Variants in DSCAM observed in about 807,000 individuals in gnomAD.
DSCAM encodes the protein cell adhesion molecule DSCAM.
Under a neutral mutation model 217.7 loss-of-function variants are expected in DSCAM, and 47 were observed. The observed-to-expected ratio is 0.22, with a 90% CI of 0.17 to 0.28. The LOEUF is 0.28. Among genes scored for constraint, DSCAM ranks in the 10% least tolerant of loss-of-function variants. The pLI, the probability that DSCAM is intolerant of heterozygous loss-of-function variation, is 1.00. For synonymous variants in DSCAM, 1,056 were observed against 1,015.3 expected, an observed-to-expected ratio of 1.04 and a Z score of -0.76; for missense variants, 2,080 against 2,618.3, an observed-to-expected ratio of 0.79 and a Z score of 4.49.
At chr21:40,647,692 C>A (rs2089964128) in intron 3 of DSCAM, among the ~76,000 whole-genome samples, 2 of 152,172 alleles carry the variant, frequency 1.3e-5, no homozygotes, top group African/African-American at 4.8e-5. Flanking sequence ...TCAAAATATT[C>A]CTTCTAGAAC....
At chr21:40,305,679 C>T (rs901620206) in intron 9 of DSCAM, among the ~76,000 whole-genome samples, 1 of 151,682 alleles carries the variant, frequency 6.6e-6, no homozygotes, top group African/African-American at 2.4e-5. Context: ...GTTTTCCCAG[C>T]ACCATTTATT....
intron 3 of DSCAM, among the ~76,000 whole-genome samples, chr21:40,609,532 C>A (rs35984932): frequency 0.21 from 31,832 of 152,132 alleles, 3,532 homozygotes; most frequent in East Asian, 0.31. Context: ...GCAAGGACGG[C>A]AATTAAGATT....
intron 3 of DSCAM, among the ~76,000 whole-genome samples, chr21:40,463,461 C>G (rs1178627204): frequency 1.3e-5 from 2 of 152,114 alleles, no homozygotes; most frequent in Non-Finnish European, 2.9e-5. Flanking sequence ...CTTCTTCCAT[C>G]AGTTCTTCCA....
Position 40,653,669 on chromosome 21 carries a change from G to A in DSCAM, c.508+39141C>T, listed in dbSNP as rs117993366. ...CCAGACACAGAGTGGAGAAGACCCC[G>A]CGTTGACTGTGATCATCGTGAATTA... On this transcript the variant is annotated intron_variant, in intron 3 of 32. Coordinates refer to ENST00000400454, the MANE Select transcript of DSCAM (RefSeq NM_001389.5). Among the ~76,000 whole-genome samples, 380 of 152,216 alleles carry A rather than the reference G, an allele frequency of 2.5e-3. 3 individuals carry two copies. The highest frequency in any genetic ancestry group is 5.4e-3 in the South Asian group (26 of 4,816).
Position 40,338,995 on chromosome 21 carries a change from G to C in DSCAM, c.1507+124C>G, listed in dbSNP as rs1444871640. On this transcript the variant is annotated intron_variant, in intron 7 of 32. Transcript: ENST00000400454. ...ATTCCTGAGTAGGAAGGAGAGGGTA[G>C]GAAATGGGAAGCAACAGTTAATCCG... 3 of 1,235,998 alleles carry C rather than the reference G, an allele frequency of 2.4e-6. No homozygotes were observed. The East Asian group carries it at 7.4e-5, about 30-fold the overall frequency. The allele number at this position is 1,235,998 out of a possible 1,614,324, so 76.6% of individuals were successfully genotyped here. A position where few individuals can be genotyped will look rare whatever the true frequency, so the allele number is the denominator to read the frequency against.
At chr21:40,519,865 CGTGT>C (rs35076900) in intron 3 of DSCAM, among the ~76,000 whole-genome samples, 1 of 150,404 alleles carries the variant, frequency 6.6e-6, no homozygotes, top group South Asian at 2.1e-4. Context: ...TGTGTGTATG[CGTGT>C]GTGTGTGTGT....
Position 40,788,777 on chromosome 21 carries a change from C to T in DSCAM, c.43+57842G>A, listed in dbSNP as rs755527111. On this transcript the variant is annotated intron_variant, in intron 1 of 32. Coordinates refer to ENST00000400454, the MANE Select transcript of DSCAM (RefSeq NM_001389.5). ...AAAGCATATGGAAGGGATTCTGTGA[C>T]GATTTAAAACTAAAGCCACAATGCA... Among the ~76,000 whole-genome samples, 9 of 152,216 alleles carry T rather than the reference C, an allele frequency of 5.9e-5. No individual in the cohort carries two copies. The East Asian group carries it at 7.7e-4, about 13-fold the overall frequency.
chr21:40,402,789 T>C (rs2075248595), intron 3 of DSCAM, among the ~76,000 whole-genome samples: 1 of 152,092 alleles, frequency 6.6e-6, no homozygotes, highest in South Asian at 2.1e-4. Context: ...CAGGTTCTCA[T>C]TATACTAACC....
intron 3 of DSCAM, among the ~76,000 whole-genome samples, chr21:40,459,553 A>G (rs866298627): frequency 6.6e-6 from 1 of 152,234 alleles, no homozygotes; most frequent in Non-Finnish European, 1.5e-5. Flanking sequence ...AACAAAAAGC[A>G]TAAGTATAAA....
intron 1 of DSCAM, among the ~76,000 whole-genome samples, chr21:40,732,513 C>T (rs1161006579): frequency 6.6e-6 from 1 of 152,220 alleles, no homozygotes; most frequent in Non-Finnish European, 1.5e-5. Flanking sequence ...TCAATAACTT[C>T]ATCTCCTTGG....
chr21:40,824,973 G>C (rs1331606874), intron 1 of DSCAM, among the ~76,000 whole-genome samples: 1 of 152,206 alleles, frequency 6.6e-6, no homozygotes, highest in African/African-American at 2.4e-5. Flanking sequence ...AGCTTTCTCT[G>C]TATGTCCGAC....
chr21:40,689,570 G>T (rs2090517762), intron 3 of DSCAM, among the ~76,000 whole-genome samples: 1 of 152,340 alleles, frequency 6.6e-6, no homozygotes, highest in African/African-American at 2.4e-5. Flanking sequence ...ACTTACACAG[G>T]CTTATTTCCA....
intron 4 of DSCAM, among the ~76,000 whole-genome samples, chr21:40,363,316 C>T (rs2074789322): frequency 6.8e-6 from 1 of 147,124 alleles, no homozygotes; most frequent in Admixed American, 7.0e-5. Context: ...GCAATGGTGC[C>T]ATCTTGGCTC....
intron 21 of DSCAM, among the ~76,000 whole-genome samples, chr21:40,087,697 A>G (rs1291197175): frequency 6.6e-6 from 1 of 152,250 alleles, no homozygotes; most frequent in African/African-American, 2.4e-5. Flanking sequence ...CAAAGGCCCC[A>G]AAGACGGGAA....
chr21:40,253,253 C>G (rs1228610739), intron 11 of DSCAM, among the ~76,000 whole-genome samples: 2 of 152,114 alleles, frequency 1.3e-5, no homozygotes, highest in Non-Finnish European at 2.9e-5. Context: ...TGTTATTTAC[C>G]TCTTTATCAT....
intron 1 of DSCAM, among the ~76,000 whole-genome samples, chr21:40,784,240 G>A (rs1057385565): frequency 1.3e-5 from 2 of 152,062 alleles, no homozygotes; most frequent in Admixed American, 1.3e-4. Flanking sequence ...AATCATGGGG[G>A]CGGTTTCCCC....
In DSCAM at chr21:40,584,876, G is replaced by T. The variant is rs150480033; in HGVS notation, c.508+107934C>A. On this transcript the variant is annotated intron_variant, in intron 3 of 32. Transcript: ENST00000400454. ...AGTGTGACCCTCAGTGTTGAAAGTG[G>T]GGCCCAGTGGGAGGTGTTTGGGTCA... Among the ~76,000 whole-genome samples, 725 of 152,270 alleles carry T rather than the reference G, an allele frequency of 4.8e-3. 4 individuals carry two copies. Among genetic ancestry groups the T allele is most frequent in the African/African-American group, 0.015 (643 of 41,562 alleles).
intron 10 of DSCAM, among the ~76,000 whole-genome samples, chr21:40,289,264 G>A (rs890731597): frequency 1.3e-5 from 2 of 152,190 alleles, no homozygotes; most frequent in African/African-American, 2.4e-5. Flanking sequence ...CAGGGCCACC[G>A]CTGTGAACTT....
intron 16 of DSCAM, among the ~76,000 whole-genome samples, chr21:40,151,102 G>A (rs2090418913): frequency 6.6e-6 from 1 of 152,122 alleles, no homozygotes; most frequent in South Asian, 2.1e-4. Flanking sequence ...TCTGATCGCT[G>A]CCTCATCTCT....
Sources: gnomAD v4.1 joint callset for allele counts (sites outside exome capture counted in the v4.1 genomes callset) on GRCh38, gnomAD v4.1.1 for gene constraint, MANE v1.5 for transcripts, NCBI Gene and HGNC (gene_info 2026-07-23, HGNC 2026-07-21) for gene names.